The following RTTN variants were observed in gnomAD, a reference collection of about 807,000 sequenced individuals.
RTTN encodes the protein rotatin.
Under a neutral mutation model 269.2 loss-of-function variants are expected in RTTN, and 182 were observed. The ratio of observed to expected loss-of-function variants is 0.68; its 90% CI spans 0.60 to 0.76. The LOEUF (loss-of-function observed/expected upper bound fraction) is 0.76. Among genes scored for constraint, RTTN ranks in the 30% least tolerant of loss-of-function variants. RTTN has a pLI of 0.00. For synonymous variants in RTTN, 1,006 were observed against 963.5 expected (o/e 1.04, Z -0.82); for missense variants, 2,545 against 2,608.6 (o/e 0.98, Z 0.53).
Position 70,197,716 on chromosome 18 carries a change from T to A in RTTN, c.601A>T (p.Thr201Ser). ...AGTTCACAGGTGTTCCAGATTAAAG[T>A]GTGGTTACTACTTCTTAAAGAGCTA... ...NESSLRSSNH[T>S]LIWNTCELLK... The change falls in exon 6 of 49, where the codon ACT becomes TCT. Residue 201 changes from threonine (T) to serine (S), a missense_variant. Physicochemically the swap from Thr to Ser is moderately conservative, Grantham distance 58. Transcript: ENST00000640769. The A allele has an allele frequency of 6.2e-7, 1 of 1,606,952 alleles. No homozygotes were observed. Among genetic ancestry groups the A allele is most frequent in the Non-Finnish European group, 8.5e-7 (1 of 1,173,526 alleles).
chr18:70,045,832 C>T (rs2057475664), intron 40 of RTTN, among the ~76,000 whole-genome samples: 1 of 152,130 alleles, frequency 6.6e-6, no homozygotes, highest in African/African-American at 2.4e-5. Flanking sequence ...TTAATGTATC[C>T]ATACCCTCAC....
chr18:70,035,567 A>T lies in RTTN; in HGVS notation c.5542-4586T>A, dbSNP rs285223. ...ATATACAGAAATAAACTGAAGATGG[A>T]TTAAAGACTTAAATATAAACCCCAA... On this transcript the variant is annotated intron_variant, in intron 40 of 48. Coordinates refer to ENST00000640769, the MANE Select transcript of RTTN (RefSeq NM_173630.4). 5.9e-3 allele frequency among the ~76,000 whole-genome samples: 898 copies of T among 152,344 alleles called. 5 individuals are homozygous for T. The highest frequency in any genetic ancestry group is 0.021 in the African/African-American group (862 of 41,574).
chr18:70,159,016 G>A (rs2060757825), intron 14 of RTTN, among the ~76,000 whole-genome samples: 1 of 152,158 alleles, frequency 6.6e-6, no homozygotes, highest in Admixed American at 6.5e-5. Flanking sequence ...CCCACTGACA[G>A]TGTTAGACAA....
chr18:70,110,721 C>T (rs1599601162), intron 27 of RTTN, among the ~76,000 whole-genome samples: 1 of 152,204 alleles, frequency 6.6e-6, no homozygotes, highest in Non-Finnish European at 1.5e-5. Context: ...GTGTTCACTC[C>T]GCTGGAAAGG....
intron 27 of RTTN, among the ~76,000 whole-genome samples, chr18:70,110,581 G>A (rs2059438270): frequency 6.6e-6 from 1 of 152,116 alleles, no homozygotes; most frequent in African/African-American, 2.4e-5. Flanking sequence ...GATTCCCTCG[G>A]TTGCCTACCC....
chr18:70,009,637 T>C (rs540903216), intron 46 of RTTN, among the ~76,000 whole-genome samples: 38 of 152,264 alleles, frequency 2.5e-4, no homozygotes, highest in African/African-American at 8.7e-4. Flanking sequence ...TATCAAATTG[T>C]AAAGAACATT....
chr18:70,188,319 T>C (rs2061594008), intron 9 of RTTN, 96 bp from the exon 10 acceptor site: 2 of 676,620 alleles, frequency 3.0e-6, no homozygotes, highest in South Asian at 1.8e-5. Context: ...TAGTTAGTCA[T>C]GCTCCAACAT....
At chr18:70,205,092 C>A in intron 2 of RTTN, 36 bp downstream of exon 2, 9 of 1,579,022 alleles carry the variant, frequency 5.7e-6, no homozygotes, top group Non-Finnish European at 7.8e-6. Flanking sequence ...ACAAGTCACT[C>A]GTCTGATTAT....
intron 25 of RTTN, among the ~76,000 whole-genome samples, chr18:70,123,756 AT>A (rs1180325271): frequency 1.3e-5 from 2 of 152,032 alleles, no homozygotes; most frequent in African/African-American, 4.8e-5. Flanking sequence ...GCTTGGAAGC[AT>A]TTCTACTTTT....
chr18:70,087,695 T>G (rs979074978), intron 31 of RTTN, among the ~76,000 whole-genome samples: 3 of 152,154 alleles, frequency 2.0e-5, no homozygotes. Context: ...GACCCATAAA[T>G]GCTGAGATAA....
At chr18:70,102,576 A>G (rs2059199076) in intron 28 of RTTN, among the ~76,000 whole-genome samples, 1 of 152,120 alleles carries the variant, frequency 6.6e-6, no homozygotes, top group African/African-American at 2.4e-5. Context: ...TTTACATTTA[A>G]GGTTAATATT....
intron 32 of RTTN, among the ~76,000 whole-genome samples, chr18:70,083,141 G>C (rs954363325): frequency 3.3e-5 from 5 of 152,118 alleles, no homozygotes; most frequent in African/African-American, 1.2e-4. Context: ...ATATCCAGCA[G>C]GGGCCTGGTA....
intron 26 of RTTN, among the ~76,000 whole-genome samples, chr18:70,119,596 G>A (rs557804662): frequency 5.5e-4 from 84 of 152,108 alleles, no homozygotes; most frequent in African/African-American, 1.8e-3. Context: ...TGAAAAGACC[G>A]AATATGAAAA....
rs576558849 is a variant in RTTN, at chr18:70,172,157, C to T, written c.1477-3090G>A. Among the ~76,000 whole-genome samples, 5 of 152,258 alleles carry T rather than the reference C, an allele frequency of 3.3e-5. No individual in the cohort carries two copies. In the South Asian group the frequency reaches 6.2e-4, roughly 19 times the overall value. Reference sequence around the variant, plus strand: ...GTTTTACCAATTTAGTTTACTCAACCACAATATTTTTCAGAAGATTACCAA... The same window carrying T: ...GTTTTACCAATTTAGTTTACTCAACTACAATATTTTTCAGAAGATTACCAA... On this transcript the variant is annotated intron_variant, in intron 11 of 48. Transcript: ENST00000640769.
Position 70,019,453 on chromosome 18 carries a change from G to A in RTTN, c.6153+1162C>T, listed in dbSNP as rs183097681. 731 of 152,294 alleles carry A rather than the reference G, an allele frequency of 4.8e-3. 5 individuals carry two copies. The highest frequency in any genetic ancestry group is 9.0e-3 in the Non-Finnish European group (612 of 68,020). The allele number at this position is 152,294 out of a possible 1,614,324, so 9.4% of individuals were successfully genotyped here. A position where few individuals can be genotyped will look rare whatever the true frequency, so the allele number is the denominator to read the frequency against. On this transcript the variant is annotated intron_variant, in intron 45 of 48. Coordinates refer to ENST00000640769, the MANE Select transcript of RTTN (RefSeq NM_173630.4). ...GAGAATGTCTCATTTTGGAAGTGAT[G>A]CATGTATATGAATACATATATGAAG... is the stretch of plus-strand genomic sequence containing the variant.
chr18:70,187,313 C>T (rs2061570270), intron 10 of RTTN, among the ~76,000 whole-genome samples: 1 of 152,032 alleles, frequency 6.6e-6, no homozygotes, highest in African/African-American at 2.4e-5. Flanking sequence ...TAATATACCA[C>T]CTTTTATGCA....
intron 48 of RTTN, among the ~76,000 whole-genome samples, chr18:70,004,586 G>A (rs904663955): frequency 9.3e-5 from 14 of 150,830 alleles, no homozygotes; most frequent in African/African-American, 3.2e-4. Context: ...ATTCATGGTC[G>A]CAGCTAAAAC....
intron 40 of RTTN, among the ~76,000 whole-genome samples, chr18:70,044,883 T>C (rs931675704): frequency 3.3e-5 from 5 of 152,198 alleles, no homozygotes; most frequent in African/African-American, 4.8e-5. Flanking sequence ...AAGTATTGTG[T>C]ATTTCTGGAA....
intron 8 of RTTN, 51 bp from the exon 9 acceptor site, chr18:70,190,770 A>C (rs773836362): frequency 2.3e-6 from 3 of 1,319,408 alleles, no homozygotes; most frequent in Non-Finnish European, 3.2e-6. Context: ...ATCCCCAAAC[A>C]GATTTACTGC....
Sources: gnomAD v4.1 joint callset for allele counts (sites outside exome capture counted in the v4.1 genomes callset) on GRCh38, gnomAD v4.1.1 for gene constraint, MANE v1.5 for transcripts, NCBI Gene and HGNC (gene_info 2026-07-23, HGNC 2026-07-21) for gene names.